Variants in ZC3H3 observed in about 807,000 individuals in gnomAD.
ZC3H3 encodes zinc finger CCCH-type containing 3.
In ZC3H3, 36 loss-of-function variants were observed where a neutral mutation model predicts 77.3. The ratio of observed to expected loss-of-function variants is 0.47; its 90% CI spans 0.36 to 0.61. The LOEUF (loss-of-function observed/expected upper bound fraction) is 0.61. ZC3H3 is among the 20% of genes least tolerant of loss of function. The pLI is 0.00. For missense variants in ZC3H3, 1,331 were observed against 1,312.2 expected, an observed-to-expected ratio of 1.01 and a Z score of -0.22; for synonymous variants, 626 against 555.2, an observed-to-expected ratio of 1.13 and a Z score of -1.79.
At chr8:143,448,978 C>G (rs1444754414) in intron 9 of ZC3H3, among the ~76,000 whole-genome samples, 1 of 152,250 alleles carries the variant, frequency 6.6e-6, no homozygotes, top group Non-Finnish European at 1.5e-5. Flanking sequence ...TTTGCACCCC[C>G]TGAAGCAGTG....
Position 143,508,825 on chromosome 8 carries a change from G to A in ZC3H3, c.1562-926C>T, listed in dbSNP as rs114011884. Reference sequence around the variant, plus strand: ...TCAGTGCCCAGCTTCCCCTGTGCCCGGGACCCCTGACTGCCCAGGACACAC... The same window carrying A: ...TCAGTGCCCAGCTTCCCCTGTGCCCAGGACCCCTGACTGCCCAGGACACAC... On this transcript the variant is annotated intron_variant, in intron 3 of 11. Transcript: ENST00000262577. 8.9e-3 allele frequency among the ~76,000 whole-genome samples: 1,322 copies of A among 148,748 alleles called. 21 individuals carry two copies. The highest frequency in any genetic ancestry group is 0.031 in the African/African-American group (1,248 of 40,730).
At chr8:143,518,534 C>T (rs1391142533) in intron 3 of ZC3H3, among the ~76,000 whole-genome samples, 1 of 152,262 alleles carries the variant, frequency 6.6e-6, no homozygotes, top group Middle Eastern at 3.2e-3. Flanking sequence ...GCCAGGACTC[C>T]CCGGCCACAT....
At chr8:143,467,896 G>A (rs1177238417) in intron 8 of ZC3H3, among the ~76,000 whole-genome samples, 1 of 152,080 alleles carries the variant, frequency 6.6e-6, no homozygotes, top group African/African-American at 2.4e-5. Flanking sequence ...GCACCTGTGG[G>A]ACCACCTTCC....
chr8:143,477,172 G>A (rs1820759152), intron 4 of ZC3H3, among the ~76,000 whole-genome samples: 1 of 152,250 alleles, frequency 6.6e-6, no homozygotes, highest in Non-Finnish European at 1.5e-5. Context: ...GGGCCTCCAA[G>A]GGCCCATTAG....
chr8:143,538,244 T>C lies in ZC3H3; in HGVS notation c.1123A>G (p.Ser375Gly), dbSNP rs1359746387. Reference sequence around the variant, plus strand: ...CTGGAGGCCTTCCACTTGTACTTGCTGGGGGCAGACCCTGGCTTGGAGGAC... The same window carrying C: ...CTGGAGGCCTTCCACTTGTACTTGCCGGGGGCAGACCCTGGCTTGGAGGAC... ...ATSSKPGSAP[S>G]KYKWKASSPS... The change falls in exon 2 of 12, where the codon AGC (serine) becomes GGC (glycine). Residue 375 changes from serine (S) to glycine (G), a missense_variant. Ser to Gly is a moderately conservative substitution (Grantham distance 56). This residue lies in a region of ZC3H3 where 978 missense variants were observed against 915.5 expected (regional missense o/e 1.07). Transcript: ENST00000262577. 6.2e-7 allele frequency: 1 copy of C among 1,613,006 alleles called. No homozygotes were observed. Among genetic ancestry groups the C allele is most frequent in the Non-Finnish European group, 8.5e-7 (1 of 1,180,024 alleles).
intron 4 of ZC3H3, among the ~76,000 whole-genome samples, chr8:143,497,287 C>T (rs1191796953): frequency 6.6e-6 from 1 of 152,184 alleles, no homozygotes; most frequent in Admixed American, 6.5e-5. Context: ...AGACTCGGCA[C>T]CCAGGCCTGC....
rs760314103 is a variant in ZC3H3, at chr8:143,438,038, G to T, written c.*18C>A. On this transcript the variant is annotated 3_prime_UTR_variant, in exon 12 of 12. Coordinates refer to ENST00000262577, the MANE Select transcript of ZC3H3 (RefSeq NM_015117.3). ...AGGATGAGGGTCTGAGGTAGGTGCA[G>T]GCCGGTCCCTGGGGTCCTCACAGAC... The T allele has an allele frequency of 6.2e-7, 1 of 1,609,332 alleles. No individual in the cohort carries two copies. Among genetic ancestry groups the T allele is most frequent in the Middle Eastern group, 1.7e-4 (1 of 6,054 alleles).
intron 1 of ZC3H3, among the ~76,000 whole-genome samples, chr8:143,541,026 C>T (rs1421139449): frequency 6.6e-6 from 1 of 152,256 alleles, no homozygotes; most frequent in Admixed American, 6.5e-5. Flanking sequence ...GAGCCATGAA[C>T]TAGTCCCAGC....
intron 4 of ZC3H3, among the ~76,000 whole-genome samples, chr8:143,503,111 A>G (rs1391773168): frequency 2.0e-5 from 3 of 152,178 alleles, no homozygotes; most frequent in Non-Finnish European, 4.4e-5. Flanking sequence ...GAGGTGGCAC[A>G]TGGCCAGCAC....
At chr8:143,438,782 G>A (rs1819649086) in intron 11 of ZC3H3, among the ~76,000 whole-genome samples, 1 of 152,230 alleles carries the variant, frequency 6.6e-6, no homozygotes, top group Non-Finnish European at 1.5e-5. Context: ...CCACAGGACT[G>A]GGCCTGCCCA....
rs7007286 is a variant in ZC3H3 at position 143,490,555 on chromosome 8, C to T, written c.1716-14970G>A. On this transcript the variant is annotated intron_variant, in intron 4 of 11. Coordinates refer to ENST00000262577, the MANE Select transcript of ZC3H3 (RefSeq NM_015117.3). ...CCATCTGCCAGATACTCAGCCCAGCCTTGAGAGGTTAATCATGTTTTGGGG... is the reference window on the plus strand; with the variant it reads ...CCATCTGCCAGATACTCAGCCCAGCTTTGAGAGGTTAATCATGTTTTGGGG... 1.0e-2 allele frequency among the ~76,000 whole-genome samples: 1,519 copies of T among 152,370 alleles called. 19 individuals are homozygous for T. The highest frequency in any genetic ancestry group is 0.015 in the Non-Finnish European group (1,018 of 68,036).
intron 5 of ZC3H3, among the ~76,000 whole-genome samples, chr8:143,472,626 T>G (rs1820602183): frequency 1.3e-5 from 2 of 152,130 alleles, no homozygotes; most frequent in African/African-American, 2.4e-5. Context: ...GGCGTCTCTG[T>G]GGACACTGAG....
At position 143,533,087 on chromosome 8, in the gene ZC3H3, C is replaced by T. The variant is rs540224888; in HGVS notation, c.1561+3170G>A. Reference sequence around the variant, plus strand: ...GACACCCCGGGGCCCTGGACACGCCCCTCCCAGGGTCCTCCCCTGTCCCTC... The same window carrying T: ...GACACCCCGGGGCCCTGGACACGCCTCTCCCAGGGTCCTCCCCTGTCCCTC... On this transcript the variant is annotated intron_variant, in intron 3 of 11. Coordinates refer to ENST00000262577, the MANE Select transcript of ZC3H3 (RefSeq NM_015117.3). This position sits in a 1 kb window ranked among gnomAD's most constrained non-coding sequence, Gnocchi z 4.0. Among the ~76,000 whole-genome samples, 12 of 152,300 alleles carry T rather than the reference C, an allele frequency of 7.9e-5. No homozygotes were observed. The South Asian group carries it at 1.5e-3, about 18-fold the overall frequency.
At chr8:143,457,502 C>T (rs988113356) in intron 9 of ZC3H3, among the ~76,000 whole-genome samples, 4 of 151,944 alleles carry the variant, frequency 2.6e-5, no homozygotes, top group Non-Finnish European at 4.4e-5. Flanking sequence ...GAGGCTGAGG[C>T]GGATGGACTC....
At chr8:143,459,695 T>TA (rs1820207427) in intron 9 of ZC3H3, among the ~76,000 whole-genome samples, 1 of 151,878 alleles carries the variant, frequency 6.6e-6, no homozygotes, top group South Asian at 2.1e-4. Context: ...CTTAATAGAA[T>TA]AAAGGAAAAA....
chr8:143,486,747 G>A (rs895988820), intron 4 of ZC3H3, among the ~76,000 whole-genome samples: 2 of 150,236 alleles, frequency 1.3e-5, no homozygotes, highest in African/African-American at 2.5e-5. Context: ...AACAGCACCC[G>A]CTACACGACC....
chr8:143,470,827 A>C (rs754459019), intron 5 of ZC3H3, among the ~76,000 whole-genome samples: 3 of 152,226 alleles, frequency 2.0e-5, no homozygotes, highest in Non-Finnish European at 4.4e-5. Flanking sequence ...GCTGGAAAAG[A>C]AGCAAGGGCT....
At position 143,460,293 on chromosome 8, in the gene ZC3H3, A is replaced by AAAT. The variant is rs772960203; in HGVS notation, c.2307+5423_2307+5424insATT. 7.6e-3 allele frequency among the ~76,000 whole-genome samples: 1,066 copies of AAAT among 140,290 alleles called. 6 individuals carry two copies. Among genetic ancestry groups the AAAT allele is most frequent in the Non-Finnish European group, 0.012 (749 of 62,776 alleles). 92.0% of individuals were successfully genotyped at this position (140,290 alleles called of 152,430 possible). ...ATAAATAAATAAATAAATAAATAAA[A>AAAT]GGCATCCCAATTGAAAAGGAAGAAG... On this transcript the variant is annotated intron_variant, in intron 9 of 11. Transcript: ENST00000262577. The surrounding 1 kb of genome is among the most constrained non-coding windows in gnomAD (Gnocchi z 4.0).
At chr8:143,461,604 C>T (rs867902620) in intron 9 of ZC3H3, among the ~76,000 whole-genome samples, 1 of 152,120 alleles carries the variant, frequency 6.6e-6, no homozygotes, top group Non-Finnish European at 1.5e-5. Flanking sequence ...TGGCAACCAC[C>T]CGAACGGACA....
Sources: allele counts gnomAD v4.1 joint callset (sites outside exome capture counted in the v4.1 genomes callset), GRCh38; gene constraint gnomAD v4.1.1; regional missense constraint gnomAD v4.1.1; non-coding constraint Gnocchi (gnomAD v3.1); transcripts MANE v1.5; gene names NCBI Gene and HGNC (gene_info 2026-07-23, HGNC 2026-07-21).